The following POLK variants were observed in gnomAD, a reference collection of about 807,000 sequenced individuals.
POLK encodes the protein polymerase (DNA directed) kappa.
A neutral mutation model predicts 94.0 loss-of-function variants in POLK; 76 were observed. The observed-to-expected ratio is 0.81, with a 90% CI of 0.67 to 0.98. The LOEUF (loss-of-function observed/expected upper bound fraction) is 0.98, where lower values mean the gene tolerates loss of function less well. Among genes scored for constraint, POLK ranks in the 50% least tolerant of loss-of-function variants. The pLI is 0.00. For missense variants in POLK, 954 were observed against 1,010.1 expected, an observed-to-expected ratio of 0.94 and a Z score of 0.75; for synonymous variants, 349 against 325.4, an observed-to-expected ratio of 1.07 and a Z score of -0.78.
chr5:75,579,165 C>T (rs5744661), intron 6 of POLK, among the ~76,000 whole-genome samples: 12,012 of 152,144 alleles, frequency 0.079, 564 homozygotes, highest in South Asian at 0.17. Flanking sequence ...CACAGTGGCT[C>T]ACCTGAGGGC....
intron 6 of POLK, among the ~76,000 whole-genome samples, chr5:75,577,606 G>T (rs1393386197): frequency 1.3e-5 from 2 of 152,144 alleles, no homozygotes; most frequent in African/African-American, 4.8e-5. Flanking sequence ...AAGTTCACCT[G>T]GATGAAAAAG....
At chr5:75,553,272 A>G (rs1002361585) in intron 3 of POLK, among the ~76,000 whole-genome samples, 1 of 152,136 alleles carries the variant, frequency 6.6e-6, no homozygotes, top group African/African-American at 2.4e-5. Context: ...AAAGCAGTCA[A>G]ATTTCTGATA....
At chr5:75,528,523 A>G (rs1050892484) in intron 1 of POLK, among the ~76,000 whole-genome samples, 1 of 152,142 alleles carries the variant, frequency 6.6e-6, no homozygotes, top group African/African-American at 2.4e-5. Flanking sequence ...TATTAAAATT[A>G]GAGTGTGGTG....
In POLK at chr5:75,569,252, C is replaced by G; in HGVS notation, c.256-88C>G. 3.5e-6 allele frequency: 3 copies of G among 858,526 alleles called. No homozygotes were observed. In the Admixed American group the frequency reaches 7.4e-5, roughly 21 times the overall value. The allele number at this position is 858,526 out of a possible 1,614,324, so 53.2% of individuals were successfully genotyped here. A position where few individuals can be genotyped will look rare whatever the true frequency, so the allele number is the denominator to read the frequency against. ...GGGTGTGTGGACAGAGACTGATAGACACTTAATAAATTAAGATTAATGTTG... is the reference window on the plus strand; with the variant it reads ...GGGTGTGTGGACAGAGACTGATAGAGACTTAATAAATTAAGATTAATGTTG... On this transcript the variant is annotated intron_variant, in intron 3 of 14. Transcript: ENST00000241436.
chr5:75,553,173 C>T (rs182954784), intron 3 of POLK, among the ~76,000 whole-genome samples: 129 of 152,204 alleles, frequency 8.5e-4, no homozygotes, highest in Admixed American at 1.4e-3. Context: ...AGTAAATACT[C>T]CAAGTTTCCT....
At chr5:75,556,906 A>G (rs1055118775) in intron 3 of POLK, among the ~76,000 whole-genome samples, 1 of 152,134 alleles carries the variant, frequency 6.6e-6, no homozygotes, top group Non-Finnish European at 1.5e-5. Context: ...TACAAAAAAT[A>G]GAAAAAATTA....
intron 1 of POLK, among the ~76,000 whole-genome samples, chr5:75,535,168 A>G (rs1351541659): frequency 6.6e-6 from 1 of 152,114 alleles, no homozygotes; most frequent in South Asian, 2.1e-4. Flanking sequence ...TAATTCAATT[A>G]CCACTTACTT....
At chr5:75,520,161 A>T (rs1345442276) in intron 1 of POLK, among the ~76,000 whole-genome samples, 2 of 152,238 alleles carry the variant, frequency 1.3e-5, no homozygotes, top group East Asian at 3.8e-4. Flanking sequence ...TAACAAAGAA[A>T]TTTAAAAACT....
intron 10 of POLK, among the ~76,000 whole-genome samples, chr5:75,589,711 C>A (rs1772677985): frequency 6.6e-6 from 1 of 152,152 alleles, no homozygotes; most frequent in South Asian, 2.1e-4. Flanking sequence ...AGAAAGGGGA[C>A]TCTTTACTGA....
At chr5:75,543,397 G>C (rs1396957986) in intron 1 of POLK, among the ~76,000 whole-genome samples, 1 of 152,078 alleles carries the variant, frequency 6.6e-6, no homozygotes, top group Admixed American at 6.6e-5. Flanking sequence ...TGAAAGCAGA[G>C]CTCACAGGAT....
chr5:75,586,024 A>G (rs1772453097), intron 9 of POLK, among the ~76,000 whole-genome samples: 1 of 152,212 alleles, frequency 6.6e-6, no homozygotes, highest in East Asian at 1.9e-4. Context: ...TCACAGCACT[A>G]TAAATAATTA....
At chr5:75,523,119 T>G (rs774464547) in intron 1 of POLK, among the ~76,000 whole-genome samples, 20 of 152,292 alleles carry the variant, frequency 1.3e-4, no homozygotes, top group Non-Finnish European at 2.2e-4. Flanking sequence ...AAGATACTCT[T>G]TATCTTAAAG....
chr5:75,539,975 T>G (rs1449678854), intron 1 of POLK, among the ~76,000 whole-genome samples: 2 of 152,146 alleles, frequency 1.3e-5, no homozygotes, highest in Non-Finnish European at 2.9e-5. Context: ...GTTATGTTGC[T>G]AAGGAGTTTT....
intron 1 of POLK, among the ~76,000 whole-genome samples, chr5:75,526,470 G>C (rs1404620879): frequency 6.9e-6 from 1 of 145,320 alleles, no homozygotes; most frequent in Admixed American, 6.8e-5. Context: ...GTACCCTTTT[G>C]TTTGTTTTGT....
chr5:75,527,530 C>T (rs1768927484), intron 1 of POLK, among the ~76,000 whole-genome samples: 3 of 150,162 alleles, frequency 2.0e-5, no homozygotes, highest in South Asian at 2.1e-4. Flanking sequence ...CACACACACA[C>T]ACACACACAC....
At chr5:75,573,597 A>G (rs1040542968) in intron 4 of POLK, 141 bp from the exon 5 acceptor site, 1 of 685,348 alleles carries the variant, frequency 1.5e-6, no homozygotes, top group Non-Finnish European at 2.5e-6. Context: ...AAAACAACAA[A>G]AACAAAAACA....
In POLK at chr5:75,596,643, T is replaced by C. The variant is rs760609358; in HGVS notation, c.1950T>C (p.Pro650=). 3.1e-6 allele frequency: 5 copies of C among 1,614,026 alleles called. No homozygotes were observed. The East Asian group carries it at 1.1e-4, about 36-fold the overall frequency. ...ATGTAGATGAATGTCTTGATGGACC[T>C]TCAATCAGTGAAAACTTTAAAATGT... The change falls in exon 13 of 15, where the codon CCT becomes CCC. Residue 650 remains proline (P), a synonymous_variant. Transcript: ENST00000241436.
At chr5:75,565,020 T>C (rs1168132256) in intron 3 of POLK, among the ~76,000 whole-genome samples, 3 of 152,194 alleles carry the variant, frequency 2.0e-5, no homozygotes, top group Non-Finnish European at 4.4e-5. Flanking sequence ...GTTTCACCAA[T>C]CAAATGTAGG....
intron 9 of POLK, among the ~76,000 whole-genome samples, chr5:75,585,375 A>G (rs1239880836): frequency 6.6e-6 from 1 of 152,236 alleles, no homozygotes; most frequent in Non-Finnish European, 1.5e-5. Flanking sequence ...GTTAGGCACT[A>G]TTCTAGGCAC....
Sources: gnomAD v4.1 joint callset for allele counts (sites outside exome capture counted in the v4.1 genomes callset) on GRCh38, gnomAD v4.1.1 for gene constraint, MANE v1.5 for transcripts, NCBI Gene and HGNC (gene_info 2026-07-23, HGNC 2026-07-21) for gene names.